ATP8A2: variants seen among roughly 807,000 people sequenced by gnomAD.
ATP8A2 encodes the protein phospholipid-transporting ATPase IB.
In ATP8A2, 100 loss-of-function variants were observed where a neutral mutation model predicts 165.6. The ratio of observed to expected loss-of-function variants is 0.60; its 90% confidence interval spans 0.51 to 0.71. ATP8A2 has a LOEUF of 0.71. Among genes scored for constraint, ATP8A2 ranks in the 30% least tolerant of loss-of-function variants. The pLI is 0.00. For missense variants in ATP8A2, 1,227 were observed against 1,479.5 expected (o/e 0.83, Z 2.80); for synonymous variants, 543 against 548.8 (o/e 0.99, Z 0.15).
At chr13:25,958,879 C>T (rs1955593820) in intron 33 of ATP8A2, among the ~76,000 whole-genome samples, 1 of 152,164 alleles carries the variant, frequency 6.6e-6, no homozygotes, top group Non-Finnish European at 1.5e-5. Context: ...CCCTCAGCAA[C>T]TAAAGTTCTG....
intron 25 of ATP8A2, among the ~76,000 whole-genome samples, chr13:25,718,330 G>A (rs1425357153): frequency 2.6e-5 from 4 of 152,076 alleles, no homozygotes; most frequent in Admixed American, 6.5e-5. Flanking sequence ...ACAGAGACTC[G>A]GGGTCAGAAA....
At chr13:25,808,766 A>C (rs1034428435) in intron 27 of ATP8A2, among the ~76,000 whole-genome samples, 4 of 152,092 alleles carry the variant, frequency 2.6e-5, no homozygotes, top group African/African-American at 7.2e-5. Context: ...TGAAATACCT[A>C]TTTAAAGTAT....
chr13:25,681,483 C>G (rs953662057), intron 24 of ATP8A2, among the ~76,000 whole-genome samples: 2 of 152,168 alleles, frequency 1.3e-5, no homozygotes, highest in African/African-American at 4.8e-5. Flanking sequence ...TGTGTACTCT[C>G]CAGTCCTGAC....
chr13:25,889,268 A>C (rs918209873), intron 33 of ATP8A2, among the ~76,000 whole-genome samples: 1 of 146,134 alleles, frequency 6.8e-6, no homozygotes, highest in African/African-American at 2.5e-5. Flanking sequence ...ATATATATAT[A>C]TATATAAAAT....
chr13:25,830,763 G>A (rs77405989), intron 28 of ATP8A2, among the ~76,000 whole-genome samples: 4,873 of 152,242 alleles, frequency 0.032, 107 homozygotes, highest in South Asian at 0.071. Context: ...ATGCACACAT[G>A]CCTACACTCA....
intron 24 of ATP8A2, among the ~76,000 whole-genome samples, chr13:25,695,401 C>A (rs2042814052): frequency 1.3e-5 from 2 of 152,080 alleles, no homozygotes; most frequent in Admixed American, 1.3e-4. Context: ...GGCAATTTCT[C>A]AAAATAAGAC....
At chr13:25,836,465 G>A (rs184026455) in intron 28 of ATP8A2, among the ~76,000 whole-genome samples, 1 of 152,264 alleles carries the variant, frequency 6.6e-6, no homozygotes, top group East Asian at 1.9e-4. Flanking sequence ...ATACCTTGCA[G>A]GTCAGATACT....
At chr13:25,490,372 G>A (rs868373907) in intron 2 of ATP8A2, among the ~76,000 whole-genome samples, 6 of 152,246 alleles carry the variant, frequency 3.9e-5, no homozygotes, top group African/African-American at 1.4e-4. Context: ...CAGCACGGAC[G>A]GGCCAGGAGC....
chr13:25,602,539 A>G (rs184545831), intron 24 of ATP8A2, among the ~76,000 whole-genome samples: 7 of 152,308 alleles, frequency 4.6e-5, no homozygotes, highest in East Asian at 1.9e-4. Context: ...GTAAAATTGT[A>G]TGATCACCCT....
intron 27 of ATP8A2, among the ~76,000 whole-genome samples, chr13:25,812,029 C>T (rs1451116400): frequency 6.6e-6 from 1 of 152,138 alleles, no homozygotes; most frequent in Admixed American, 6.5e-5. Context: ...CTCTCCTTCT[C>T]CCTTCCCACA....
At chr13:25,825,204 T>C (rs575527610) in intron 27 of ATP8A2, among the ~76,000 whole-genome samples, 1 of 132,048 alleles carries the variant, frequency 7.6e-6, no homozygotes, top group African/African-American at 2.8e-5. Flanking sequence ...TAGCCCAGGT[T>C]GGAGTGCAAT....
chr13:25,372,596 C>T lies in ATP8A2; in HGVS notation c.76+308C>T, dbSNP rs1208076173. On this transcript the variant is annotated intron_variant, in intron 1 of 36. Coordinates refer to ENST00000381655, the MANE Select transcript of ATP8A2 (RefSeq NM_016529.6). This position sits in a 1 kb window ranked among gnomAD's most constrained non-coding sequence, Gnocchi z 4.8. ...CTCCCTGTGCGCGTGCCCGTGCGCCCCTACGCGCGGATGCGGCTCAGGGAT... is the reference window on the plus strand; with the variant it reads ...CTCCCTGTGCGCGTGCCCGTGCGCCTCTACGCGCGGATGCGGCTCAGGGAT... Among the ~76,000 whole-genome samples, 1 of 152,218 alleles carries T rather than the reference C, an allele frequency of 6.6e-6. No individual in the cohort carries two copies. Among genetic ancestry groups the T allele is most frequent in the East Asian group, 1.9e-4 (1 of 5,184 alleles).
At position 25,890,685 on chromosome 13, in the gene ATP8A2, T is replaced by C. The variant is rs116671449; in HGVS notation, c.3183+28277T>C. ...TGATTTTGAGCATAAGTCTGTGTAGTAGAAATACGAAAATATTTGGGAATT... is the reference window on the plus strand; with the variant it reads ...TGATTTTGAGCATAAGTCTGTGTAGCAGAAATACGAAAATATTTGGGAATT... On this transcript the variant is annotated intron_variant, in intron 33 of 36. Coordinates refer to ENST00000381655, the MANE Select transcript of ATP8A2 (RefSeq NM_016529.6). Among the ~76,000 whole-genome samples, 724 of 152,336 alleles carry C rather than the reference T, an allele frequency of 4.8e-3. 6 individuals are homozygous for C. The highest frequency in any genetic ancestry group is 0.016 in the African/African-American group (670 of 41,582).
intron 35 of ATP8A2, among the ~76,000 whole-genome samples, chr13:25,981,616 A>G (rs1482391576): frequency 6.6e-6 from 1 of 152,220 alleles, no homozygotes; most frequent in Non-Finnish European, 1.5e-5. Flanking sequence ...TATGTATTAT[A>G]TGAAACAATT....
rs374699618 is a variant in ATP8A2, at chr13:25,810,898, GT to G, written c.2680-17212del. On this transcript the variant is annotated intron_variant, in intron 27 of 36. Coordinates refer to ENST00000381655, the MANE Select transcript of ATP8A2 (RefSeq NM_016529.6). The stretch of plus-strand genomic sequence containing the variant: ...CATCAAATTGTTGATGAACTTTCCA[GT>G]TTTTTTTGGAAAATAAATATTAAAG... Among the ~76,000 whole-genome samples, 112 of 151,724 alleles carry G rather than the reference GT, an allele frequency of 7.4e-4. 1 individual carries two copies. Among genetic ancestry groups the G allele is most frequent in the South Asian group, 3.1e-3 (15 of 4,788 alleles).
intron 20 of ATP8A2, among the ~76,000 whole-genome samples, chr13:25,578,514 G>A (rs2039682152): frequency 1.3e-5 from 2 of 152,200 alleles, no homozygotes; most frequent in Non-Finnish European, 1.5e-5. Flanking sequence ...TGGGATATGA[G>A]TTTTGCAAAT....
chr13:25,575,209 G>C (rs1481858187), intron 19 of ATP8A2, among the ~76,000 whole-genome samples: 1 of 152,158 alleles, frequency 6.6e-6, no homozygotes, highest in African/African-American at 2.4e-5. Context: ...AGTCCCATGA[G>C]GTCATTCCTC....
chr13:25,903,155 G>A (rs983772780), intron 33 of ATP8A2, among the ~76,000 whole-genome samples: 5 of 151,850 alleles, frequency 3.3e-5, no homozygotes, highest in African/African-American at 1.2e-4. Context: ...AAAAAATTCC[G>A]GTCTCCTGCC....
At chr13:25,834,631 C>T (rs1021779396) in intron 28 of ATP8A2, among the ~76,000 whole-genome samples, 1 of 152,114 alleles carries the variant, frequency 6.6e-6, no homozygotes, top group African/African-American at 2.4e-5. Context: ...TATTGTTTAG[C>T]AAGAAAAGCA....
Sources: gnomAD v4.1 joint callset for allele counts (sites outside exome capture counted in the v4.1 genomes callset) on GRCh38, gnomAD v4.1.1 for gene constraint, Gnocchi (gnomAD v3.1) non-coding constraint, MANE v1.5 for transcripts, NCBI Gene and HGNC (gene_info 2026-07-23, HGNC 2026-07-21) for gene names.